Variants in TASP1 observed in about 807,000 individuals in gnomAD.
TASP1 encodes the protein threonine aspartase 1.
TASP1 carries 16 observed loss-of-function variants against 56.6 expected under a neutral mutation model. The observed-to-expected ratio is 0.28, with a 90% CI of 0.19 to 0.43. The LOEUF is 0.43. Ranked by LOEUF, TASP1 falls within the 20% of genes least tolerant of loss-of-function variation. The probability of loss-of-function intolerance (pLI) is 1.00; values close to 1 mark genes in which losing one functional copy is unlikely to be tolerated. For missense variants in TASP1, 393 were observed against 511.6 expected (o/e 0.77, Z 2.24); for synonymous variants, 179 against 184.2 (o/e 0.97, Z 0.23).
the TASP1 span, chr20:13,164,480 C>A: frequency 1.9e-6 from 1 of 534,048 alleles, no homozygotes. Flanking sequence ...AAGCATGGGT[C>A]ACATGTTTTT....
intron 12 of TASP1, among the ~76,000 whole-genome samples, chr20:13,421,194 C>CCT (rs1291694288): frequency 6.6e-6 from 1 of 150,722 alleles, no homozygotes; most frequent in African/African-American, 2.4e-5. Flanking sequence ...CTCACTACAC[C>CCT]CTCCACCTCC....
chr20:13,136,693 TAAAA>T, the TASP1 span, among the ~76,000 whole-genome samples: 2 of 147,322 alleles, frequency 1.4e-5, no homozygotes, highest in African/African-American at 4.9e-5. Flanking sequence ...AGTATATAAA[TAAAA>T]GTTATATATA....
At chr20:13,572,139 A>C (rs2046737507) in intron 6 of TASP1, among the ~76,000 whole-genome samples, 1 of 152,174 alleles carries the variant, frequency 6.6e-6, no homozygotes, top group East Asian at 1.9e-4. Flanking sequence ...AAAAGCTTCG[A>C]GCTTCATAAG....
At chr20:13,115,398 C>G in the TASP1 span, among the ~76,000 whole-genome samples, 1 of 152,240 alleles carries the variant, frequency 6.6e-6, no homozygotes, top group East Asian at 1.9e-4. Context: ...GGGCAGGCTC[C>G]TAACATCAGC....
the TASP1 span, among the ~76,000 whole-genome samples, chr20:13,358,479 G>A: frequency 2.0e-5 from 3 of 152,152 alleles, no homozygotes; most frequent in African/African-American, 7.2e-5. Context: ...TTTAAATCAG[G>A]TAGGCGGCCT....
In TASP1 at chr20:13,485,771, T is replaced by C. The variant is rs185968131; in HGVS notation, c.875-2434A>G. The stretch of plus-strand genomic sequence containing the variant: ...CTTAGCTCATGAAACGCCATAAAGT[T>C]TAATTCCCTTTGTGTACATACTTGA... On this transcript the variant is annotated intron_variant, in intron 10 of 13. Coordinates refer to ENST00000337743, the MANE Select transcript of TASP1 (RefSeq NM_017714.3). Among the ~76,000 whole-genome samples the C allele has an allele frequency of 2.0e-5, 3 of 152,300 alleles. No individual in the cohort carries two copies. The East Asian group carries it at 5.8e-4, about 29-fold the overall frequency.
chr20:13,176,968 G>A, the TASP1 span, among the ~76,000 whole-genome samples: 4 of 152,124 alleles, frequency 2.6e-5, no homozygotes, highest in Non-Finnish European at 4.4e-5. Context: ...GGCTGGGCAC[G>A]ATGGCTCATG....
the TASP1 span, among the ~76,000 whole-genome samples, chr20:13,126,097 C>T: frequency 6.6e-6 from 1 of 152,190 alleles, no homozygotes; most frequent in East Asian, 1.9e-4. Flanking sequence ...TCTCTAACTA[C>T]TTCAGCTAGA....
the TASP1 span, among the ~76,000 whole-genome samples, chr20:13,347,567 G>A: frequency 8.3e-3 from 1,257 of 152,272 alleles, 16 homozygotes; most frequent in African/African-American, 0.029. Flanking sequence ...GGCCAGGCAC[G>A]GTGGCTCACA....
the TASP1 span, among the ~76,000 whole-genome samples, chr20:13,211,681 G>A: frequency 6.6e-6 from 1 of 152,102 alleles, no homozygotes; most frequent in African/African-American, 2.4e-5. Context: ...CCACATAGGA[G>A]GCTGTTGGCT....
the TASP1 span, among the ~76,000 whole-genome samples, chr20:13,172,397 T>C: frequency 4.1e-4 from 62 of 152,286 alleles, no homozygotes; most frequent in African/African-American, 1.4e-3. Context: ...TAACAGTGTA[T>C]AAGTTATCCA....
At chr20:13,340,647 T>C in the TASP1 span, among the ~76,000 whole-genome samples, 1 of 152,182 alleles carries the variant, frequency 6.6e-6, no homozygotes, top group African/African-American at 2.4e-5. Flanking sequence ...ACCTTAAATA[T>C]TTATCATGTT....
the TASP1 span, among the ~76,000 whole-genome samples, chr20:13,197,133 G>A: frequency 1.3e-5 from 2 of 152,104 alleles, no homozygotes; most frequent in East Asian, 3.8e-4. Context: ...TGGAGGCAGG[G>A]GTGCAACACA....
At chr20:13,585,542 A>C (rs1208474420) in intron 5 of TASP1, among the ~76,000 whole-genome samples, 1 of 152,228 alleles carries the variant, frequency 6.6e-6, no homozygotes, top group Non-Finnish European at 1.5e-5. Flanking sequence ...GCAAATATGC[A>C]CTTCTCAACA....
At chr20:13,362,808 A>AATATATATATATATATATATATAT in the TASP1 span, among the ~76,000 whole-genome samples, 411 of 114,666 alleles carry the variant, frequency 3.6e-3, 7 homozygotes, top group Middle Eastern at 9.1e-3. Flanking sequence ...AATAGCAAGA[A>AATATATATATATATATATATATAT]ATATATATAT....
At chr20:13,170,067 C>T in the TASP1 span, among the ~76,000 whole-genome samples, 2 of 152,262 alleles carry the variant, frequency 1.3e-5, no homozygotes, top group South Asian at 2.1e-4. Context: ...AAAGTCAATA[C>T]GTGGTGTCTT....
chr20:13,311,255 A>AGAT, the TASP1 span, among the ~76,000 whole-genome samples: 1,282 of 132,500 alleles, frequency 9.7e-3, 20 homozygotes, highest in African/African-American at 0.036. Flanking sequence ...ATAGATAGAT[A>AGAT]GATAGATAGA....
the TASP1 span, among the ~76,000 whole-genome samples, chr20:13,342,403 T>C: frequency 6.6e-6 from 1 of 152,214 alleles, no homozygotes; most frequent in African/African-American, 2.4e-5. Flanking sequence ...CATTGCTTTC[T>C]TGTAATGCAA....
At chr20:13,353,897 TAAAG>T in the TASP1 span, among the ~76,000 whole-genome samples, 5 of 151,016 alleles carry the variant, frequency 3.3e-5, no homozygotes, top group Non-Finnish European at 7.4e-5. Context: ...GAAACTAAAA[TAAAG>T]AAAGAGGAAA....
Sources: allele counts gnomAD v4.1 joint callset (sites outside exome capture counted in the v4.1 genomes callset), GRCh38; gene constraint gnomAD v4.1.1; transcripts MANE v1.5; gene names NCBI Gene and HGNC (gene_info 2026-07-23, HGNC 2026-07-21).